OSTF1: variants seen among roughly 807,000 people sequenced by gnomAD.
OSTF1 encodes the protein osteoclast stimulating factor 1, also known as osteoclast-stimulating factor 1.
A neutral mutation model predicts 37.2 loss-of-function variants in OSTF1; 27 were observed. The ratio of observed to expected loss-of-function variants is 0.73; its 90% confidence interval spans 0.54 to 1.00. OSTF1 has a LOEUF of 1.00. OSTF1 is among the 50% of genes least tolerant of loss of function. The pLI is 0.00. For missense variants in OSTF1, 232 were observed against 253.8 expected, an observed-to-expected ratio of 0.91 and a Z score of 0.58; for synonymous variants, 82 against 89.2, an observed-to-expected ratio of 0.92 and a Z score of 0.46.
intron 1 of OSTF1, among the ~76,000 whole-genome samples, chr9:75,113,040 A>C (rs1825419666): frequency 6.6e-6 from 1 of 152,070 alleles, no homozygotes; most frequent in South Asian, 2.1e-4. Flanking sequence ...CTCCAGACCC[A>C]AAAAATTTCT....
rs780311502 is a variant in OSTF1, at chr9:75,088,658, C to G, written c.-35C>G. On this transcript the variant is annotated 5_prime_UTR_variant, in exon 1 of 10. Transcript: ENST00000346234. ...GGCGGGCAAGCGGTGGGCTTTTCGG[C>G]GGGGTCTTTAGGATTTGCAGCTCCA... 1 of 1,600,244 alleles carries G rather than the reference C, an allele frequency of 6.2e-7. No individual in the cohort carries two copies. The highest frequency in any genetic ancestry group is 8.5e-7 in the Non-Finnish European group (1 of 1,173,248).
In OSTF1 at chr9:75,146,905, G is replaced by A. The variant is rs1363117264; in HGVS notation, c.*164G>A. The A allele has an allele frequency of 4.1e-6, 2 of 489,032 alleles. No individual in the cohort carries two copies. Among genetic ancestry groups the A allele is most frequent in the Admixed American group, 4.2e-5 (1 of 23,538 alleles). 30.3% of individuals were successfully genotyped at this position (489,032 alleles called of 1,614,324 possible). ...GTGTAAATGAATTGTTCCCACCTTT[G>A]GTTTGCCAGTAAGTGACTGGATTCT... On this transcript the variant is annotated 3_prime_UTR_variant, in exon 10 of 10. Coordinates refer to ENST00000346234, the MANE Select transcript of OSTF1 (RefSeq NM_012383.5).
At chr9:75,133,515 C>T (rs1249309747) in intron 6 of OSTF1, 114 bp downstream of exon 6, 1 of 649,484 alleles carries the variant, frequency 1.5e-6, no homozygotes, top group Non-Finnish European at 2.7e-6. Context: ...TTTTTGAATC[C>T]TTTAGAATAC....
rs561538274 is a variant in OSTF1, at chr9:75,136,112, G to T, written c.409-1426G>T. On this transcript the variant is annotated intron_variant, in intron 7 of 9. Transcript: ENST00000346234. ...TTTCACTTGCAGTCAAGAGGAGGGG[G>T]CCTGTACCAGGGCCAGGAACCTTGG... 2.0e-5 allele frequency among the ~76,000 whole-genome samples: 3 copies of T among 152,328 alleles called. No individual in the cohort carries two copies. The South Asian group carries it at 6.2e-4, about 32-fold the overall frequency.
At chr9:75,126,471 C>T (rs376929740) in intron 2 of OSTF1, among the ~76,000 whole-genome samples, 7 of 152,104 alleles carry the variant, frequency 4.6e-5, no homozygotes, top group South Asian at 2.1e-4. Flanking sequence ...AATTTGCTCT[C>T]GGTAGGCATC....
intron 3 of OSTF1, among the ~76,000 whole-genome samples, chr9:75,127,892 A>C (rs1379359784): frequency 6.6e-6 from 1 of 152,056 alleles, no homozygotes; most frequent in Non-Finnish European, 1.5e-5. Context: ...GAAGTAATTT[A>C]AGTGAAAAAA....
At chr9:75,127,360 T>C (rs1382946995) in intron 2 of OSTF1, among the ~76,000 whole-genome samples, 1 of 152,226 alleles carries the variant, frequency 6.6e-6, no homozygotes, top group Non-Finnish European at 1.5e-5. Flanking sequence ...TCTTTATATA[T>C]GTAATTCTTT....
chr9:75,109,462 TC>T (rs1825347329), intron 1 of OSTF1, among the ~76,000 whole-genome samples: 1 of 152,248 alleles, frequency 6.6e-6, no homozygotes, highest in Admixed American at 6.5e-5. Context: ...CATCTACCTG[TC>T]CATGCCCAAT....
chr9:75,111,944 C>G (rs1182731709), intron 1 of OSTF1, among the ~76,000 whole-genome samples: 2 of 150,104 alleles, frequency 1.3e-5, no homozygotes, highest in African/African-American at 4.9e-5. Context: ...CTGCCTCAGC[C>G]TCCTGAGTAG....
At chr9:75,111,936 G>A (rs1363162616) in intron 1 of OSTF1, among the ~76,000 whole-genome samples, 1 of 137,790 alleles carries the variant, frequency 7.3e-6, no homozygotes, top group African/African-American at 2.7e-5. Context: ...CGATTCTCCT[G>A]CCTCAGCCTC....
intron 9 of OSTF1, among the ~76,000 whole-genome samples, chr9:75,141,184 C>G (rs1436434296): frequency 2.0e-5 from 3 of 151,740 alleles, no homozygotes; most frequent in African/African-American, 7.3e-5. Context: ...GCCTGTAGTC[C>G]CAGCTACTCA....
At chr9:75,096,354 C>G (rs1378141722) in intron 1 of OSTF1, among the ~76,000 whole-genome samples, 1 of 152,184 alleles carries the variant, frequency 6.6e-6, no homozygotes. Flanking sequence ...ATTTAAAAGT[C>G]TTTAGCATCC....
chr9:75,130,617 A>C lies in OSTF1; in HGVS notation c.172A>C (p.Thr58Pro). ...NWWKGTSKGR[T>P]GLIPSNYVAE... The stretch of plus-strand genomic sequence containing the variant: ...GTGGAAAGGCACCTCCAAAGGCAGG[A>C]CTGGACTAATTCCAAGCAACTATGG... The change falls in exon 4 of 10, where the codon ACT (threonine) becomes CCT (proline). Residue 58 changes from threonine (T) to proline (P), a missense_variant. Thr to Pro is a conservative substitution (Grantham distance 38). Transcript: ENST00000346234. The C allele has an allele frequency of 1.9e-6, 3 of 1,612,024 alleles. No homozygotes were observed. The highest frequency in any genetic ancestry group is 2.5e-6 in the Non-Finnish European group (3 of 1,178,118).
chr9:75,112,859 A>G (rs940366944), intron 1 of OSTF1, among the ~76,000 whole-genome samples: 5 of 152,228 alleles, frequency 3.3e-5, no homozygotes, highest in African/African-American at 1.2e-4. Context: ...TTTGGTCACA[A>G]GTGGACTGCT....
intron 1 of OSTF1, among the ~76,000 whole-genome samples, chr9:75,111,980 C>T (rs1302800530): frequency 5.9e-5 from 9 of 151,550 alleles, no homozygotes; most frequent in East Asian, 1.9e-4. Flanking sequence ...TGTGCCACCA[C>T]GCCCAGCTAA....
At chr9:75,104,153 A>G (rs1587443265) in intron 1 of OSTF1, among the ~76,000 whole-genome samples, 1 of 152,010 alleles carries the variant, frequency 6.6e-6, no homozygotes, top group African/African-American at 2.4e-5. Context: ...CTGAGGTGGG[A>G]TGATTGCCCG....
At chr9:75,146,515 T>TGCCACAGGC (rs1260641510) in intron 9 of OSTF1, among the ~76,000 whole-genome samples, 168 bp from the exon 10 acceptor site, 3 of 152,208 alleles carry the variant, frequency 2.0e-5, no homozygotes, top group African/African-American at 4.8e-5. Context: ...AACAGAAACT[T>TGCCACAGGC]AATGGTTAGG....
chr9:75,137,718 C>T (rs1825865744), intron 8 of OSTF1, 102 bp downstream of exon 8: 1 of 744,036 alleles, frequency 1.3e-6, no homozygotes. Context: ...AGTCTTATTT[C>T]AAAATAGGGT....
chr9:75,141,809 G>A (rs1825948893), intron 9 of OSTF1, among the ~76,000 whole-genome samples: 1 of 152,144 alleles, frequency 6.6e-6, no homozygotes, highest in African/African-American at 2.4e-5. Flanking sequence ...GTGCAGGTGT[G>A]CAATCATAGC....
Sources: allele counts gnomAD v4.1 joint callset (sites outside exome capture counted in the v4.1 genomes callset), GRCh38; gene constraint gnomAD v4.1.1; transcripts MANE v1.5; gene names NCBI Gene and HGNC (gene_info 2026-07-23, HGNC 2026-07-21).